Variants in ATXN1 observed in about 807,000 individuals in gnomAD.
The protein encoded by ATXN1 is ataxin 1, also known as ataxin-1.
A neutral mutation model predicts 56.4 loss-of-function variants in ATXN1; 8 were observed. That is an observed-to-expected ratio of 0.14 (90% CI 0.08 to 0.26). The LOEUF is 0.26. Ranked by LOEUF, ATXN1 falls within the 10% of genes least tolerant of loss-of-function variation. The pLI is 1.00. For missense variants in ATXN1, 987 were observed against 1,106.5 expected (o/e 0.89, Z 1.53); for synonymous variants, 514 against 494.6 (o/e 1.04, Z -0.52).
At chr6:16,562,664 G>A (rs993939078) in intron 4 of ATXN1, among the ~76,000 whole-genome samples, 3 of 152,048 alleles carry the variant, frequency 2.0e-5, no homozygotes, top group Non-Finnish European at 2.9e-5. Context: ...ACATTGGGCC[G>A]AGAAGTTTCC....
chr6:16,307,695 C>T (rs1760284404), intron 7 of ATXN1, among the ~76,000 whole-genome samples: 1 of 148,118 alleles, frequency 6.8e-6, no homozygotes, highest in Non-Finnish European at 1.5e-5. Flanking sequence ...AAAAAAAAGT[C>T]AATTTCCAAT....
intron 7 of ATXN1, among the ~76,000 whole-genome samples, chr6:16,323,945 A>C (rs551817171): frequency 6.6e-6 from 1 of 151,994 alleles, no homozygotes; most frequent in Admixed American, 6.6e-5. Flanking sequence ...TTTTTTTTTA[A>C]ATAAGATCTT....
intron 2 of ATXN1, among the ~76,000 whole-genome samples, chr6:16,682,766 C>A (rs1329325970): frequency 6.6e-6 from 1 of 152,192 alleles, no homozygotes; most frequent in Non-Finnish European, 1.5e-5. Context: ...AGATCCAGGT[C>A]TCCACATTTA....
rs750372173 is a variant in ATXN1 at position 16,760,157 on chromosome 6, T to A, written c.-730+1141A>T. Among the ~76,000 whole-genome samples the A allele has an allele frequency of 6.7e-6, 1 of 150,090 alleles. No individual in the cohort carries two copies. Among genetic ancestry groups the A allele is most frequent in the Non-Finnish European group, 1.5e-5 (1 of 67,568 alleles). On this transcript the variant is annotated intron_variant, in intron 1 of 7. Transcript: ENST00000436367. This position sits in a 1 kb window ranked among gnomAD's most constrained non-coding sequence, Gnocchi z 5.3. Reference sequence around the variant, plus strand: ...GAGGAGGCGGCGGCGCCCCCGGGAGTGGCAGAGTCTCCGGCCCGGCCCAGA... The same window carrying A: ...GAGGAGGCGGCGGCGCCCCCGGGAGAGGCAGAGTCTCCGGCCCGGCCCAGA...
chr6:16,668,895 CTCCTGGGT>C (rs1758484014), intron 2 of ATXN1, among the ~76,000 whole-genome samples: 1 of 151,944 alleles, frequency 6.6e-6, no homozygotes, highest in African/African-American at 2.4e-5. Context: ...CCACCTTGGC[CTCCTGGGT>C]AAGGATCTTT....
At chr6:16,678,135 C>T (rs957047716) in intron 2 of ATXN1, among the ~76,000 whole-genome samples, 2 of 152,198 alleles carry the variant, frequency 1.3e-5, no homozygotes, top group Non-Finnish European at 2.9e-5. Context: ...GGCAAAAATG[C>T]ACATTAACTT....
At chr6:16,551,695 G>A (rs992486471) in intron 4 of ATXN1, among the ~76,000 whole-genome samples, 9 of 152,072 alleles carry the variant, frequency 5.9e-5, no homozygotes, top group African/African-American at 2.2e-4. Flanking sequence ...TCCACAAGTC[G>A]AGCCCTGACC....
intron 6 of ATXN1, among the ~76,000 whole-genome samples, chr6:16,437,245 A>C (rs1759412444): frequency 6.6e-6 from 1 of 152,192 alleles, no homozygotes; most frequent in African/African-American, 2.4e-5. Context: ...AGAGGCTGCT[A>C]CTTTCCGCTA....
intron 5 of ATXN1, among the ~76,000 whole-genome samples, chr6:16,502,758 T>C (rs1760908197): frequency 6.6e-6 from 1 of 152,190 alleles, no homozygotes. Context: ...AAAGTGAGAA[T>C]AAAAGGCAAG....
At chr6:16,486,883 T>C (rs1021204479) in intron 5 of ATXN1, among the ~76,000 whole-genome samples, 2 of 150,444 alleles carry the variant, frequency 1.3e-5, no homozygotes, top group Non-Finnish European at 3.0e-5. Flanking sequence ...CTGTCTGCCA[T>C]TTCCGCCCAC....
At chr6:16,550,574 A>G (rs1262491272) in intron 4 of ATXN1, among the ~76,000 whole-genome samples, 1 of 152,252 alleles carries the variant, frequency 6.6e-6, no homozygotes, top group Non-Finnish European at 1.5e-5. Flanking sequence ...GTTGCAGAAT[A>G]TAATTACTTA....
chr6:16,473,348 C>T (rs1760260076), intron 6 of ATXN1, among the ~76,000 whole-genome samples: 1 of 152,120 alleles, frequency 6.6e-6, no homozygotes, highest in South Asian at 2.1e-4. Flanking sequence ...CTCTTGGCGA[C>T]TTGAATTTGG....
intron 1 of ATXN1, 84 bp from the exon 2 acceptor site, chr6:16,753,431 T>C (rs955905141): frequency 2.2e-6 from 1 of 444,868 alleles, no homozygotes. Flanking sequence ...CCACCTTAAG[T>C]GTCTATGCAC....
At chr6:16,679,515 G>C (rs529080965) in intron 2 of ATXN1, among the ~76,000 whole-genome samples, 117 of 152,322 alleles carry the variant, frequency 7.7e-4, no homozygotes, top group African/African-American at 2.7e-3. Context: ...GGGCGGTTAA[G>C]TTCAAAAGTT....
intron 3 of ATXN1, among the ~76,000 whole-genome samples, chr6:16,623,130 A>G (rs778779053): frequency 5.3e-5 from 8 of 150,204 alleles, no homozygotes; most frequent in Non-Finnish European, 1.0e-4. Context: ...GTTTGGGTTT[A>G]TTTTTTTAAA....
intron 6 of ATXN1, among the ~76,000 whole-genome samples, chr6:16,437,656 C>T (rs2113591803): frequency 6.6e-6 from 1 of 152,346 alleles, no homozygotes; most frequent in South Asian, 2.1e-4. Flanking sequence ...AATCCAAGCT[C>T]CTTGTGTCTC....
At chr6:16,539,203 C>A (rs1448419259) in intron 4 of ATXN1, among the ~76,000 whole-genome samples, 8 of 152,196 alleles carry the variant, frequency 5.3e-5, no homozygotes, top group Non-Finnish European at 1.2e-4. Flanking sequence ...ATGATTCATT[C>A]CACTTTTCAT....
chr6:16,677,030 T>A (rs1032880825), intron 2 of ATXN1, among the ~76,000 whole-genome samples: 14 of 152,174 alleles, frequency 9.2e-5, no homozygotes, highest in Non-Finnish European at 1.8e-4. Flanking sequence ...ACACTTTTTT[T>A]AAAACAATGA....
intron 3 of ATXN1, among the ~76,000 whole-genome samples, chr6:16,631,280 C>G (rs1174371166): frequency 1.3e-5 from 2 of 152,192 alleles, no homozygotes; most frequent in African/African-American, 4.8e-5. Flanking sequence ...CACAGTGGCT[C>G]AAACTCTGTG....
Sources: allele counts gnomAD v4.1 joint callset (sites outside exome capture counted in the v4.1 genomes callset), GRCh38; gene constraint gnomAD v4.1.1; non-coding constraint Gnocchi (gnomAD v3.1); transcripts MANE v1.5; gene names NCBI Gene and HGNC (gene_info 2026-07-23, HGNC 2026-07-21).